The following CNTNAP2 variants were observed in gnomAD, a reference collection of about 807,000 sequenced individuals.
CNTNAP2 encodes contactin-associated protein-like 2.
CNTNAP2 carries 98 observed loss-of-function variants against 155.2 expected under a neutral mutation model. That is an observed-to-expected ratio of 0.63 (90% CI 0.54 to 0.75). The LOEUF is 0.75. Ranked by LOEUF, CNTNAP2 falls within the 30% of genes least tolerant of loss-of-function variation. The probability of loss-of-function intolerance (pLI) is 0.00; values close to 1 mark genes in which losing one functional copy is unlikely to be tolerated. For synonymous variants in CNTNAP2, 651 were observed against 631.2 expected (o/e 1.03, Z -0.47); for missense variants, 1,727 against 1,688.1 (o/e 1.02, Z -0.40).
At chr7:146,750,078 T>G (rs901908749) in intron 1 of CNTNAP2, among the ~76,000 whole-genome samples, 1 of 152,172 alleles carries the variant, frequency 6.6e-6, no homozygotes, top group Non-Finnish European at 1.5e-5. Context: ...AACACCAGAA[T>G]TCATCTAGTA....
At chr7:148,124,361 C>T (rs1264215892) in intron 16 of CNTNAP2, among the ~76,000 whole-genome samples, 1 of 152,142 alleles carries the variant, frequency 6.6e-6, no homozygotes, top group East Asian at 1.9e-4. Flanking sequence ...AGACTCTAAA[C>T]TTTTCTTCAT....
intron 9 of CNTNAP2, among the ~76,000 whole-genome samples, chr7:147,305,854 G>T (rs1396781182): frequency 2.6e-5 from 4 of 152,210 alleles, no homozygotes; most frequent in African/African-American, 9.6e-5. Context: ...GTGTCTGAAG[G>T]CCCCAGGGGA....
intron 13 of CNTNAP2, among the ~76,000 whole-genome samples, chr7:147,737,743 G>A (rs1262676356): frequency 1.3e-5 from 2 of 152,308 alleles, no homozygotes; most frequent in Non-Finnish European, 2.9e-5. Context: ...CAGCCTCGCT[G>A]CTGCCTTGCG....
At chr7:146,389,794 G>A (rs986170561) in intron 1 of CNTNAP2, among the ~76,000 whole-genome samples, 2 of 149,094 alleles carry the variant, frequency 1.3e-5, no homozygotes, top group Admixed American at 6.7e-5. Flanking sequence ...TCTGCCTTCC[G>A]GGTTCTAGCA....
chr7:148,109,615 C>A (rs1804301087), intron 15 of CNTNAP2, among the ~76,000 whole-genome samples: 1 of 151,846 alleles, frequency 6.6e-6, no homozygotes, highest in Non-Finnish European at 1.5e-5. Context: ...AACTCCCGAC[C>A]TCAGGTGATC....
At chr7:147,816,531 G>C (rs1296313345) in intron 13 of CNTNAP2, among the ~76,000 whole-genome samples, 1 of 152,122 alleles carries the variant, frequency 6.6e-6, no homozygotes, top group Non-Finnish European at 1.5e-5. Flanking sequence ...TCTTGAGCTA[G>C]AATTTTAAAA....
chr7:147,918,275 C>T (rs1301825438), intron 14 of CNTNAP2, among the ~76,000 whole-genome samples: 1 of 152,198 alleles, frequency 6.6e-6, no homozygotes, highest in Non-Finnish European at 1.5e-5. Context: ...GCAATGTAAG[C>T]CAAATGTGTA....
At chr7:147,700,194 G>A (rs936476446) in intron 13 of CNTNAP2, among the ~76,000 whole-genome samples, 20 of 152,100 alleles carry the variant, frequency 1.3e-4, no homozygotes, top group African/African-American at 3.1e-4. Flanking sequence ...AAAAGTAAAC[G>A]TAGATATGTA....
intron 10 of CNTNAP2, among the ~76,000 whole-genome samples, chr7:147,442,070 G>A (rs1797650956): frequency 6.6e-6 from 1 of 152,082 alleles, no homozygotes; most frequent in South Asian, 2.1e-4. Flanking sequence ...AAACCATCTA[G>A]GACTGTGTCC....
chr7:146,874,282 A>G (rs1045226664), intron 3 of CNTNAP2, among the ~76,000 whole-genome samples: 1 of 152,180 alleles, frequency 6.6e-6, no homozygotes, highest in African/African-American at 2.4e-5. Flanking sequence ...ATGAGGATCT[A>G]TTAGAACTTT....
intron 10 of CNTNAP2, among the ~76,000 whole-genome samples, chr7:147,478,616 A>G (rs1310855963): frequency 6.6e-6 from 1 of 152,156 alleles, no homozygotes; most frequent in African/African-American, 2.4e-5. Context: ...GAAAGTTCTC[A>G]CTATCACAGG....
chr7:147,632,181 T>C (rs1282647554), intron 12 of CNTNAP2, among the ~76,000 whole-genome samples: 1 of 152,078 alleles, frequency 6.6e-6, no homozygotes, highest in Non-Finnish European at 1.5e-5. Context: ...GAGTAGAGAA[T>C]TCTCAAAAGA....
chr7:146,954,477 C>T (rs1797391624), intron 3 of CNTNAP2, among the ~76,000 whole-genome samples: 1 of 151,852 alleles, frequency 6.6e-6, no homozygotes, highest in African/African-American at 2.4e-5. Context: ...TACTTCTTTA[C>T]GTAAATATTC....
intron 1 of CNTNAP2, among the ~76,000 whole-genome samples, chr7:146,471,989 T>C (rs750723417): frequency 5.3e-5 from 8 of 152,202 alleles, no homozygotes; most frequent in Admixed American, 6.5e-5. Context: ...CAAGTTTGAA[T>C]GAAAATGTCC....
intron 4 of CNTNAP2, 124 bp from the exon 5 acceptor site, chr7:147,108,023 G>A: frequency 1.2e-6 from 1 of 825,782 alleles, no homozygotes; most frequent in Non-Finnish European, 1.9e-6. Context: ...AAGAAAAACA[G>A]AGGACTGTCA....
chr7:146,768,192 C>A (rs1802230972), intron 1 of CNTNAP2, among the ~76,000 whole-genome samples: 1 of 151,870 alleles, frequency 6.6e-6, no homozygotes, highest in Admixed American at 6.6e-5. Flanking sequence ...AACCTCCCAA[C>A]AAACTTGCCT....
intron 8 of CNTNAP2, among the ~76,000 whole-genome samples, chr7:147,272,567 C>A (rs935977974): frequency 6.6e-6 from 1 of 151,964 alleles, no homozygotes; most frequent in Admixed American, 6.6e-5. Flanking sequence ...GGCGCCATCT[C>A]GGCTCACTGC....
intron 19 of CNTNAP2, among the ~76,000 whole-genome samples, chr7:148,223,811 G>T (rs911825437): frequency 6.6e-6 from 1 of 152,050 alleles, no homozygotes; most frequent in African/African-American, 2.4e-5. Flanking sequence ...GTCCAAGAAG[G>T]ACAGAAAAGA....
At chr7:146,213,950 T>A (rs1562992416) in intron 1 of CNTNAP2, among the ~76,000 whole-genome samples, 1 of 152,208 alleles carries the variant, frequency 6.6e-6, no homozygotes. Flanking sequence ...ATTTCCTTTT[T>A]AAATTTGCAT....
Sources: gnomAD v4.1 joint callset for allele counts (sites outside exome capture counted in the v4.1 genomes callset) on GRCh38, gnomAD v4.1.1 for gene constraint, MANE v1.5 for transcripts, NCBI Gene and HGNC (gene_info 2026-07-23, HGNC 2026-07-21) for gene names.